The following TRIM51G variants were observed in gnomAD, a reference collection of about 807,000 sequenced individuals.
TRIM51G encodes tripartite motif-containing 51G.
At chr11:48,975,719 G>A in the TRIM51G span, 2 of 1,550,202 alleles carry the variant, frequency 1.3e-6, no homozygotes, top group African/African-American at 1.4e-5. Context: ...ACACATCCAA[G>A]AAGAAAGAGT....
At chr11:48,981,636 G>T in the TRIM51G span, 2 of 1,599,438 alleles carry the variant, frequency 1.3e-6, no homozygotes, top group African/African-American at 1.3e-5. Flanking sequence ...CTATGAAGTA[G>T]TTCATGCAGA....
the TRIM51G span, chr11:48,978,175 G>T: frequency 5.6e-6 from 3 of 532,026 alleles, no homozygotes; most frequent in Non-Finnish European, 1.2e-5. Flanking sequence ...AAAAAAAATA[G>T]AAAGGCTTAG....
At chr11:48,979,043 A>G in the TRIM51G span, 1 of 970,082 alleles carries the variant, frequency 1.0e-6, no homozygotes, top group Non-Finnish European at 1.7e-6. Flanking sequence ...CTTCATGGAA[A>G]AATGCAACCA....
chr11:48,981,687 A>C, the TRIM51G span: 3 of 1,598,982 alleles, frequency 1.9e-6, no homozygotes, highest in Non-Finnish European at 2.6e-6. Context: ...GCAAGATTCC[A>C]GAATTCATGT....
the TRIM51G span, chr11:48,975,549 A>G: frequency 2.9e-6 from 4 of 1,397,906 alleles, no homozygotes; most frequent in Non-Finnish European, 4.1e-6. Context: ...AGAAGGAGCA[A>G]TTAGGGATGG....
chr11:48,981,634 T>C, the TRIM51G span: 41 of 1,599,318 alleles, frequency 2.6e-5, no homozygotes, highest in Non-Finnish European at 3.1e-5. Flanking sequence ...GTCTATGAAG[T>C]AGTTCATGCA....
chr11:48,979,683 G>GTA, the TRIM51G span, among the ~76,000 whole-genome samples: 6 of 151,470 alleles, frequency 4.0e-5, no homozygotes, highest in Non-Finnish European at 7.4e-5. Context: ...TTATTTTCAT[G>GTA]TATATATACA....
At chr11:48,983,293 G>A in the TRIM51G span, among the ~76,000 whole-genome samples, 1 of 144,084 alleles carries the variant, frequency 6.9e-6, no homozygotes, top group East Asian at 2.1e-4. Context: ...TCTAAGCTAG[G>A]GCATTTTGGA....
chr11:48,975,628 C>T, the TRIM51G span: 2 of 1,407,716 alleles, frequency 1.4e-6, no homozygotes, highest in Non-Finnish European at 2.0e-6. Context: ...CAGGAATAAT[C>T]CTACTGTGTC....
the TRIM51G span, chr11:48,977,209 T>C: frequency 8.0e-6 from 8 of 1,001,094 alleles, no homozygotes; most frequent in South Asian, 7.7e-5. Flanking sequence ...AGAGTTACCA[T>C]ATCAACAGCC....
At chr11:48,975,571 G>A in the TRIM51G span, 7 of 1,378,478 alleles carry the variant, frequency 5.1e-6, no homozygotes, top group Admixed American at 1.7e-5. Context: ...GTATATCAGG[G>A]AACTTCTATC....
chr11:48,979,494 C>T, the TRIM51G span, among the ~76,000 whole-genome samples: 1 of 151,970 alleles, frequency 6.6e-6, no homozygotes, highest in Non-Finnish European at 1.5e-5. Flanking sequence ...GATGACATGA[C>T]CACAGACTAG....
At chr11:48,976,487 G>C in the TRIM51G span, among the ~76,000 whole-genome samples, 1 of 152,118 alleles carries the variant, frequency 6.6e-6, no homozygotes, top group East Asian at 1.9e-4. Context: ...TCTTTCACTA[G>C]TCACTCTGCA....
chr11:48,979,202 G>A, the TRIM51G span: 462,510 of 593,848 alleles, frequency 0.78, 182,220 homozygotes, highest in Non-Finnish European at 0.81. Context: ...TTTAATCCTC[G>A]ATCTTGTCAA....
the TRIM51G span, among the ~76,000 whole-genome samples, chr11:48,976,774 C>A: frequency 1.3e-4 from 20 of 151,904 alleles, no homozygotes; most frequent in Admixed American, 1.3e-3. Flanking sequence ...TTTTATGTAA[C>A]CTTGGATTAT....
the TRIM51G span, among the ~76,000 whole-genome samples, chr11:48,982,405 G>A: frequency 1.3e-5 from 2 of 152,130 alleles, no homozygotes; most frequent in African/African-American, 4.8e-5. Context: ...TATAGGTGTT[G>A]ACTTGACTGG....
the TRIM51G span, among the ~76,000 whole-genome samples, chr11:48,982,941 T>C: frequency 2.4e-5 from 1 of 42,216 alleles, no homozygotes; most frequent in Non-Finnish European, 4.4e-5. Context: ...GTTGTAAGTA[T>C]TTTTGGTATA....
chr11:48,978,188 C>T, the TRIM51G span: 1 of 532,176 alleles, frequency 1.9e-6, no homozygotes, highest in Non-Finnish European at 3.9e-6. Context: ...AGGCTTAGTG[C>T]TTTCCACAAG....
the TRIM51G span, chr11:48,976,950 A>G: frequency 3.7e-6 from 2 of 545,890 alleles, no homozygotes; most frequent in African/African-American, 1.9e-5. Context: ...ACACAGATAT[A>G]AAAGTGTTGT....
Sources: gnomAD v4.1 joint callset for allele counts (sites outside exome capture counted in the v4.1 genomes callset) on GRCh38, gnomAD v4.1.1 for gene constraint, MANE v1.5 for transcripts, NCBI Gene and HGNC (gene_info 2026-07-23, HGNC 2026-07-21) for gene names.